Variants in THSD7A observed in about 807,000 individuals in gnomAD.
The protein encoded by THSD7A is thrombospondin type-1 domain-containing protein 7A.
Under a neutral mutation model 231.3 loss-of-function variants are expected in THSD7A, and 96 were observed. The observed-to-expected ratio is 0.41, with a 90% CI of 0.35 to 0.49. THSD7A has a LOEUF of 0.49. Among genes scored for constraint, THSD7A ranks in the 20% least tolerant of loss-of-function variants. The pLI is 0.05. For synonymous variants in THSD7A, 940 were observed against 743.3 expected (o/e 1.26, Z -4.30); for missense variants, 2,290 against 2,070.2 (o/e 1.11, Z -2.06).
chr7:11,671,680 A>AAACATATAC (rs1783401354), intron 1 of THSD7A, among the ~76,000 whole-genome samples: 1 of 152,176 alleles, frequency 6.6e-6, no homozygotes, highest in Non-Finnish European at 1.5e-5. Context: ...AATGTATTAA[A>AAACATATAC]AGCATATACA....
chr7:11,411,849 A>C lies in THSD7A; in HGVS notation c.3683-527T>G, dbSNP rs972597853. 2.0e-5 allele frequency among the ~76,000 whole-genome samples: 3 copies of C among 152,164 alleles called. No homozygotes were observed. Among genetic ancestry groups the C allele is most frequent in the Non-Finnish European group, 4.4e-5 (3 of 68,030 alleles). Reference sequence around the variant, plus strand: ...TCATTCTCTTATGTCTTTCGTAAGAAGACATAAAAGACACCTCTTTCCCTG... The same window carrying C: ...TCATTCTCTTATGTCTTTCGTAAGACGACATAAAAGACACCTCTTTCCCTG... On this transcript the variant is annotated intron_variant, in intron 18 of 27. Coordinates refer to ENST00000423059, the MANE Select transcript of THSD7A (RefSeq NM_015204.3). The surrounding 1 kb of genome is among the most constrained non-coding windows in gnomAD (Gnocchi z 4.1).
intron 1 of THSD7A, among the ~76,000 whole-genome samples, chr7:11,657,976 G>C (rs549048722): frequency 6.6e-6 from 1 of 151,770 alleles, no homozygotes; most frequent in Non-Finnish European, 1.5e-5. Flanking sequence ...GGAGGTCAAG[G>C]TTATAGAACA....
intron 1 of THSD7A, among the ~76,000 whole-genome samples, chr7:11,732,106 G>C (rs965472309): frequency 5.3e-5 from 8 of 151,660 alleles, no homozygotes; most frequent in Non-Finnish European, 8.9e-5. Context: ...TTACTGTGTA[G>C]ATATAATATT....
chr7:11,371,136 A>T lies in THSD7A; in HGVS notation c.*4658T>A, dbSNP rs1384071582. ...TTGGTAGAAACACAGAAAAATAAAA[A>T]TGCAAAATTAACTGTTTAGCATTAG... On this transcript the variant is annotated 3_prime_UTR_variant, in exon 28 of 28. Transcript: ENST00000423059. The T allele has an allele frequency of 6.6e-6, 1 of 152,212 alleles. No individual in the cohort carries two copies. Among genetic ancestry groups the T allele is most frequent in the Admixed American group, 6.5e-5 (1 of 15,276 alleles). 9.4% of individuals were successfully genotyped at this position (152,212 alleles called of 1,614,324 possible).
In THSD7A at chr7:11,778,173, AAAAAAG is replaced by A. The variant is rs1269166381; in HGVS notation, c.190+53578_190+53583del. Among the ~76,000 whole-genome samples, 15 of 148,388 alleles carry A rather than the reference AAAAAAG, an allele frequency of 1.0e-4. No individual in the cohort carries two copies. In the East Asian group the frequency reaches 2.5e-3, roughly 25 times the overall value. On this transcript the variant is annotated intron_variant, in intron 1 of 27. Transcript: ENST00000423059. ...CTCCGTCTCAAAAAAAAAAAAAAAA[AAAAAAG>A]AAAGCCCTTTCCTATGTACTAGAAA...
At chr7:11,518,144 T>C (rs1788110671) in intron 6 of THSD7A, among the ~76,000 whole-genome samples, 1 of 152,208 alleles carries the variant, frequency 6.6e-6, no homozygotes, top group Non-Finnish European at 1.5e-5. Context: ...TAAAAAATGT[T>C]AGTGCTTGTT....
intron 1 of THSD7A, among the ~76,000 whole-genome samples, chr7:11,818,569 T>C (rs561935401): frequency 3.9e-5 from 6 of 152,132 alleles, no homozygotes; most frequent in African/African-American, 1.4e-4. Context: ...CTTCACTGTT[T>C]CCCAGAAGTT....
intron 1 of THSD7A, among the ~76,000 whole-genome samples, chr7:11,790,886 T>G (rs893190507): frequency 6.6e-6 from 1 of 151,950 alleles, no homozygotes; most frequent in African/African-American, 2.4e-5. Context: ...AAATAAACAT[T>G]TTTTCACTTG....
intron 1 of THSD7A, among the ~76,000 whole-genome samples, chr7:11,660,772 C>T (rs1782896946): frequency 6.6e-6 from 1 of 151,304 alleles, no homozygotes; most frequent in African/African-American, 2.4e-5. Flanking sequence ...AGAATATGAG[C>T]AAATGTGTTT....
At chr7:11,506,956 T>C (rs1423814828) in intron 6 of THSD7A, among the ~76,000 whole-genome samples, 2 of 152,196 alleles carry the variant, frequency 1.3e-5, no homozygotes, top group Non-Finnish European at 2.9e-5. Flanking sequence ...ATTTTCTGTC[T>C]CTTCTCCCTA....
At chr7:11,591,650 A>G (rs562982425) in intron 3 of THSD7A, among the ~76,000 whole-genome samples, 2 of 152,284 alleles carry the variant, frequency 1.3e-5, no homozygotes, top group South Asian at 2.1e-4. Context: ...TTTAAATTTT[A>G]TAAGTGGGGA....
intron 1 of THSD7A, among the ~76,000 whole-genome samples, chr7:11,691,095 C>G (rs960486439): frequency 2.6e-5 from 4 of 151,576 alleles, no homozygotes; most frequent in African/African-American, 9.7e-5. Context: ...TCCTTTAAAA[C>G]ATGGTCTTAA....
intron 4 of THSD7A, among the ~76,000 whole-genome samples, chr7:11,579,058 T>G (rs912784083): frequency 7.2e-5 from 11 of 152,226 alleles, no homozygotes; most frequent in Admixed American, 5.2e-4. Flanking sequence ...GATTTCAAAC[T>G]TAGAATATGA....
rs1305153192 is a variant in THSD7A at position 11,447,343 on chromosome 7, G to T, written c.2687C>A (p.Thr896Asn). 1.2e-6 allele frequency: 2 copies of T among 1,612,682 alleles called. No homozygotes were observed. Among genetic ancestry groups the T allele is most frequent in the Admixed American group, 1.7e-5 (1 of 59,828 alleles). Residue 896 changes from threonine to asparagine, a missense_variant, in exon 12 of 28, where the codon ACC becomes AAC. Transcript: ENST00000423059. Reference sequence around the variant, plus strand: ...CTGGCAGGGGATCTGGCAGGCCTGGGTAAGGGCTGGCACAGGGCCTGCATA... The same window carrying T: ...CTGGCAGGGGATCTGGCAGGCCTGGTTAAGGGCTGGCACAGGGCCTGCATA... ...LQYAGPVPAL[T>N]QACQIPCQDD...
At chr7:11,719,439 T>C (rs1398464820) in intron 1 of THSD7A, among the ~76,000 whole-genome samples, 1 of 151,766 alleles carries the variant, frequency 6.6e-6, no homozygotes, top group East Asian at 2.0e-4. Context: ...TATTTGGATT[T>C]TGTTTGTGAT....
chr7:11,377,427 A>C lies in THSD7A; in HGVS notation c.4802-770T>G, dbSNP rs188978549. ...CTAATTTAATTTGATCCTCACATCA[A>C]CATATATTTTCTGTTGCAATTAAAT... On this transcript the variant is annotated intron_variant, in intron 26 of 27. Coordinates refer to ENST00000423059, the MANE Select transcript of THSD7A (RefSeq NM_015204.3). This position sits in a 1 kb window ranked among gnomAD's most constrained non-coding sequence, Gnocchi z 4.5. Among the ~76,000 whole-genome samples, 105 of 152,198 alleles carry C rather than the reference A, an allele frequency of 6.9e-4. 3 individuals carry two copies. The East Asian group carries it at 0.017, about 24-fold the overall frequency.
At chr7:11,788,697 A>G (rs1385509712) in intron 1 of THSD7A, among the ~76,000 whole-genome samples, 1 of 152,004 alleles carries the variant, frequency 6.6e-6, no homozygotes, top group East Asian at 1.9e-4. Flanking sequence ...TCTGGATCAG[A>G]CTGCTTTTAT....
intron 1 of THSD7A, among the ~76,000 whole-genome samples, chr7:11,755,828 G>T (rs1782655664): frequency 6.6e-6 from 1 of 152,022 alleles, no homozygotes; most frequent in Non-Finnish European, 1.5e-5. Flanking sequence ...AACAGATCTA[G>T]ATGTATTCAC....
chr7:11,766,215 A>G (rs1172176631), intron 1 of THSD7A, among the ~76,000 whole-genome samples: 2 of 152,168 alleles, frequency 1.3e-5, no homozygotes, highest in Middle Eastern at 3.2e-3. Flanking sequence ...AGCAATCACA[A>G]TATTTCCTAT....
Sources: allele counts gnomAD v4.1 joint callset (sites outside exome capture counted in the v4.1 genomes callset), GRCh38; gene constraint gnomAD v4.1.1; non-coding constraint Gnocchi (gnomAD v3.1); transcripts MANE v1.5; gene names NCBI Gene and HGNC (gene_info 2026-07-23, HGNC 2026-07-21).